The following GDPD5 variants were observed in gnomAD, a reference collection of about 807,000 sequenced individuals.
GDPD5 encodes glycerophosphodiester phosphodiesterase 2.
In GDPD5, 48 loss-of-function variants were observed where a neutral mutation model predicts 75.1. The observed-to-expected ratio is 0.64, with a 90% CI of 0.51 to 0.81. The LOEUF (loss-of-function observed/expected upper bound fraction) is 0.81. Among genes scored for constraint, GDPD5 ranks in the 40% least tolerant of loss-of-function variants. The pLI is 0.00. For missense variants in GDPD5, 706 were observed against 822.6 expected (o/e 0.86, Z 1.73); for synonymous variants, 336 against 339.0 (o/e 0.99, Z 0.10).
At chr11:75,523,592 A>G (rs1941548133) in intron 1 of GDPD5, among the ~76,000 whole-genome samples, 1 of 152,216 alleles carries the variant, frequency 6.6e-6, no homozygotes. Context: ...ACTTGGAACC[A>G]TGGATGCATC....
chr11:75,521,399 T>C lies in GDPD5; in HGVS notation c.-145+3811A>G, dbSNP rs541435123. Among the ~76,000 whole-genome samples the C allele has an allele frequency of 4.6e-5, 7 of 152,320 alleles. No individual in the cohort carries two copies. In the South Asian group the frequency reaches 1.5e-3, roughly 32 times the overall value. The stretch of plus-strand genomic sequence containing the variant: ...AAACAGATGCAGCTTGGCTCCCTGC[T>C]CCCTACCTTTGAGCTGTGTGACCTC... On this transcript the variant is annotated intron_variant, in intron 1 of 16. Coordinates refer to ENST00000336898, the MANE Select transcript of GDPD5 (RefSeq NM_030792.8).
chr11:75,499,235 G>A (rs935963640), intron 1 of GDPD5, among the ~76,000 whole-genome samples: 18 of 151,882 alleles, frequency 1.2e-4, no homozygotes, highest in Non-Finnish European at 2.2e-4. Flanking sequence ...TTGAATTGAC[G>A]TCTGCCAGGT....
intron 3 of GDPD5, among the ~76,000 whole-genome samples, chr11:75,473,775 T>A (rs1043492672): frequency 1.3e-5 from 2 of 152,138 alleles, no homozygotes; most frequent in Non-Finnish European, 2.9e-5. Flanking sequence ...GTGCACACAG[T>A]TCCCCCTACC....
At position 75,443,102 on chromosome 11, in the gene GDPD5, C is replaced by T. The variant is rs768067823; in HGVS notation, c.948+34G>A. On this transcript the variant is annotated intron_variant, in intron 11 of 16. Transcript: ENST00000336898. Reference sequence around the variant, plus strand: ...TCCTTGCAGTCCCTGCTGGTGTTTTCCATGCCTAAGATTGGGATCAGGTGC... The same window carrying T: ...TCCTTGCAGTCCCTGCTGGTGTTTTTCATGCCTAAGATTGGGATCAGGTGC... 5.1e-6 allele frequency: 8 copies of T among 1,580,192 alleles called. No individual in the cohort carries two copies. The African/African-American group carries it at 5.4e-5, about 11-fold the overall frequency.
At chr11:75,481,112 G>A (rs1320873853) in intron 2 of GDPD5, among the ~76,000 whole-genome samples, 1 of 152,226 alleles carries the variant, frequency 6.6e-6, no homozygotes, top group Non-Finnish European at 1.5e-5. Flanking sequence ...AAGGGAGCCT[G>A]TGGGCACTGA....
At chr11:75,477,843 C>G (rs1384642386) in intron 2 of GDPD5, 48 bp from the exon 3 acceptor site, 13 of 663,032 alleles carry the variant, frequency 2.0e-5, no homozygotes, top group Non-Finnish European at 3.3e-5. Flanking sequence ...GGTGAGGAGT[C>G]AGGCACCACA....
intron 1 of GDPD5, among the ~76,000 whole-genome samples, chr11:75,501,454 A>T (rs957764220): frequency 6.6e-6 from 1 of 152,244 alleles, no homozygotes; most frequent in Non-Finnish European, 1.5e-5. Flanking sequence ...CCAGAAGTAC[A>T]TGGAGCCATA....
chr11:75,438,987 G>A (rs935583586), intron 15 of GDPD5: 1 of 237,890 alleles, frequency 4.2e-6, no homozygotes, highest in Non-Finnish European at 8.5e-6. Flanking sequence ...AGTGGTGAAG[G>A]CCCCTGTAAG....
chr11:75,479,490 T>A (rs998295141), intron 2 of GDPD5: 2 of 152,140 alleles, frequency 1.3e-5, no homozygotes, highest in African/African-American at 4.8e-5. Context: ...ACAGCAGCCC[T>A]AGGAAGGAAG....
At chr11:75,509,955 T>C (rs1208713830) in intron 1 of GDPD5, among the ~76,000 whole-genome samples, 1 of 152,228 alleles carries the variant, frequency 6.6e-6, no homozygotes, top group Non-Finnish European at 1.5e-5. Context: ...GTTGGGATTA[T>C]AGGCATGAGC....
chr11:75,479,121 T>A (rs998059217), intron 2 of GDPD5: 5 of 152,210 alleles, frequency 3.3e-5, no homozygotes, highest in Non-Finnish European at 5.9e-5. Flanking sequence ...TGGGGGCCAG[T>A]GTTGGTAAAG....
intron 1 of GDPD5, among the ~76,000 whole-genome samples, chr11:75,501,108 G>A (rs1950296424): frequency 6.6e-6 from 1 of 152,218 alleles, no homozygotes; most frequent in African/African-American, 2.4e-5. Context: ...CAGCATGAGG[G>A]GTCCCAAAGA....
At chr11:75,439,032 G>A (rs1355066672) in intron 15 of GDPD5, among the ~76,000 whole-genome samples, 1 of 152,152 alleles carries the variant, frequency 6.6e-6, no homozygotes, top group Non-Finnish European at 1.5e-5. Context: ...ACCCAGGCAG[G>A]GTCCCCTCCC....
In GDPD5 at chr11:75,437,002, G is replaced by T. The variant is rs1306820335; in HGVS notation, c.1603C>A (p.Leu535Met). The change falls in exon 16 of 17, where the codon CTG (leucine) becomes ATG (methionine). Residue 535 changes from leucine to methionine, a missense_variant. Leu to Met is a conservative substitution (Grantham distance 15, BLOSUM62 2). Transcript: ENST00000336898. ...CTGGTCCGGCGCACCGCAGCACTCA[G>T]CATGATCTGCTCAGGGTTGTAGCTC... ...IRSYNPEQIM[L>M]SAAVRRTSRD... The T allele has an allele frequency of 7.4e-6, 12 of 1,613,430 alleles. No individual in the cohort carries two copies. The highest frequency in any genetic ancestry group is 1.0e-5 in the Non-Finnish European group (12 of 1,180,006).
intron 16 of GDPD5, among the ~76,000 whole-genome samples, chr11:75,436,000 G>C (rs1444992269): frequency 6.6e-6 from 1 of 152,150 alleles, no homozygotes; most frequent in Non-Finnish European, 1.5e-5. Context: ...CTACAGTCTG[G>C]CTCAAGTCTT....
intron 4 of GDPD5, among the ~76,000 whole-genome samples, chr11:75,459,939 T>C (rs893569722): frequency 1.3e-5 from 2 of 152,176 alleles, no homozygotes; most frequent in African/African-American, 4.8e-5. Context: ...CAGCCTGCTG[T>C]CATCTGGGAC....
At chr11:75,441,522 G>A in intron 13 of GDPD5, 124 bp downstream of exon 13, 1 of 1,163,334 alleles carries the variant, frequency 8.6e-7, no homozygotes. Context: ...ATTCCTCTGT[G>A]TGCCCATCCC....
At chr11:75,480,342 A>AG (rs1222124660) in intron 2 of GDPD5, among the ~76,000 whole-genome samples, 3 of 151,862 alleles carry the variant, frequency 2.0e-5, no homozygotes, top group Admixed American at 6.6e-5. Context: ...AAAAAAAAAA[A>AG]GAATTGCTGT....
intron 3 of GDPD5, among the ~76,000 whole-genome samples, chr11:75,463,559 C>T (rs1190258985): frequency 1.3e-5 from 2 of 152,168 alleles, no homozygotes; most frequent in African/African-American, 4.8e-5. Context: ...CATCCGTCCC[C>T]TTATCTTGGA....
Sources: gnomAD v4.1 joint callset for allele counts (sites outside exome capture counted in the v4.1 genomes callset) on GRCh38, gnomAD v4.1.1 for gene constraint, MANE v1.5 for transcripts, NCBI Gene and HGNC (gene_info 2026-07-23, HGNC 2026-07-21) for gene names.